GGTA1: variants seen among roughly 807,000 people sequenced by gnomAD.
The protein encoded by GGTA1 is glycoprotein alpha-galactosyltransferase 1 (inactive), also known as inactive N-acetyllactosaminide alpha-1,3-galactosyltransferase.
Under a neutral mutation model 2.6 loss-of-function variants are expected in GGTA1, and 5 were observed. The observed-to-expected ratio is 1.92, with a 90% CI of 1.00 to 4.04. GGTA1 has a LOEUF of 4.04. Ranked by LOEUF, GGTA1 falls within the 30% of genes most tolerant of loss-of-function variation. The pLI is 0.00. For missense variants in GGTA1, 50 were observed against 16.7 expected (o/e 2.99, Z -3.47); for synonymous variants, 17 against 5.0 (o/e 3.38, Z -3.19).
intron 4 of GGTA1, 148 bp from the exon 5 acceptor site, chr9:121,460,367 C>G: frequency 2.7e-6 from 1 of 368,888 alleles, no homozygotes; most frequent in South Asian, 2.1e-5. Context: ...AGGCACTAAG[C>G]GTTTATTCAT....
At chr9:121,477,335 GA>G (rs1215567404) in intron 1 of GGTA1, among the ~76,000 whole-genome samples, 1 of 152,202 alleles carries the variant, frequency 6.6e-6, no homozygotes, top group Non-Finnish European at 1.5e-5. Flanking sequence ...AATGATTCTA[GA>G]AAACTGTTGT....
At chr9:121,451,482 G>C (rs117468111), downstream of GGTA1, among the ~76,000 whole-genome samples, 111 of 152,298 alleles carry the variant, frequency 7.3e-4, 3 homozygotes, top group East Asian at 0.02. Flanking sequence ...ACCGCACCTG[G>C]CCTAGAGCTA....
chr9:121,485,199 G>A (rs1828734208), intron 1 of GGTA1, among the ~76,000 whole-genome samples: 1 of 152,228 alleles, frequency 6.6e-6, no homozygotes, highest in Non-Finnish European at 1.5e-5. Context: ...GGGTCTGCCT[G>A]CCAGGGTGTC....
chr9:121,481,710 A>G (rs1001710454), intron 1 of GGTA1, among the ~76,000 whole-genome samples: 1 of 148,822 alleles, frequency 6.7e-6, no homozygotes, highest in African/African-American at 2.5e-5. Context: ...AAAAGAATAA[A>G]AAGTGGCCAG....
chr9:121,485,765 G>A (rs565299951), intron 1 of GGTA1, among the ~76,000 whole-genome samples: 25 of 152,242 alleles, frequency 1.6e-4, no homozygotes, highest in African/African-American at 6.0e-4. Context: ...TACACATGAA[G>A]ATACAGAGGC....
At chr9:121,471,112 G>A (rs576775384) in intron 1 of GGTA1, among the ~76,000 whole-genome samples, 4 of 152,334 alleles carry the variant, frequency 2.6e-5, no homozygotes, top group South Asian at 2.1e-4. Context: ...GAAGAAACCC[G>A]GGAGGGAGGA....
intron 1 of GGTA1, among the ~76,000 whole-genome samples, chr9:121,496,757 A>AAAAAAAAAAAGAG (rs1554838784): frequency 1.3e-4 from 15 of 111,982 alleles, no homozygotes; most frequent in South Asian, 5.3e-4. Context: ...AAAAAAAAAA[A>AAAAAAAAAAAGAG]AGAGAGAGAG....
chr9:121,487,907 T>A (rs1007089811), intron 1 of GGTA1, among the ~76,000 whole-genome samples: 1 of 151,884 alleles, frequency 6.6e-6, no homozygotes, highest in Non-Finnish European at 1.5e-5. Context: ...GCAGAGATGG[T>A]GTTTCACCAT....
intron 4 of GGTA1, among the ~76,000 whole-genome samples, chr9:121,460,780 G>A (rs981086724): frequency 2.6e-5 from 4 of 151,928 alleles, no homozygotes; most frequent in African/African-American, 9.7e-5. Context: ...AGGAGGTGGA[G>A]GTTGTAGTGA....
intron 1 of GGTA1, among the ~76,000 whole-genome samples, chr9:121,480,688 T>C (rs1331070554): frequency 6.6e-6 from 1 of 152,180 alleles, no homozygotes; most frequent in Non-Finnish European, 1.5e-5. Flanking sequence ...GGGGATGAGT[T>C]ATTTGGCCAC....
chr9:121,499,191 C>T (rs1341900123), intron 1 of GGTA1, among the ~76,000 whole-genome samples: 1 of 152,062 alleles, frequency 6.6e-6, no homozygotes, highest in Non-Finnish European at 1.5e-5. Flanking sequence ...CTTTATCCCC[C>T]CACTCCCAGA....
At chr9:121,490,763 T>C (rs1564658139) in intron 1 of GGTA1, among the ~76,000 whole-genome samples, 2 of 152,180 alleles carry the variant, frequency 1.3e-5, no homozygotes, top group Non-Finnish European at 2.9e-5. Flanking sequence ...TTTCTAGCCT[T>C]CTGAAAGATG....
intron 1 of GGTA1, among the ~76,000 whole-genome samples, chr9:121,475,645 G>A (rs566997885): frequency 6.6e-6 from 1 of 152,284 alleles, no homozygotes; most frequent in South Asian, 2.1e-4. Context: ...ATGGTTTTTG[G>A]AACTGGAGAT....
chr9:121,464,744 T>C (rs541774595), intron 2 of GGTA1, among the ~76,000 whole-genome samples: 1 of 152,386 alleles, frequency 6.6e-6, no homozygotes, highest in African/African-American at 2.4e-5. Flanking sequence ...TATTTCATCA[T>C]AATTTTGAAG....
chr9:121,478,441 C>T (rs1429296866), intron 1 of GGTA1, among the ~76,000 whole-genome samples: 1 of 152,172 alleles, frequency 6.6e-6, no homozygotes, highest in East Asian at 1.9e-4. Context: ...TGGGCATGCC[C>T]AGAAGTCTTG....
At chr9:121,499,412 A>G (rs1024725036) in intron 1 of GGTA1, among the ~76,000 whole-genome samples, 1 of 152,108 alleles carries the variant, frequency 6.6e-6, no homozygotes, top group African/African-American at 2.4e-5. Flanking sequence ...CAGTCTTGGA[A>G]GGCTGGACAG....
At chr9:121,496,891 G>C (rs757867535) in intron 1 of GGTA1, among the ~76,000 whole-genome samples, 1 of 151,936 alleles carries the variant, frequency 6.6e-6, no homozygotes, top group East Asian at 2.0e-4. Flanking sequence ...AATCAAACAC[G>C]TAAGATTTGT....
At chr9:121,455,010 A>T (rs533415176), downstream of GGTA1, 1 of 152,288 alleles carries the variant, frequency 6.6e-6, no homozygotes, top group African/African-American at 2.4e-5. Context: ...GTGAAACTCC[A>T]TCTCGAAATA....
At chr9:121,447,298 G>A (rs1342639219) in exon 8 of GGTA1, 1 of 152,598 alleles carries the variant, frequency 6.6e-6, no homozygotes, top group East Asian at 1.9e-4. Flanking sequence ...CTGGCCTAGG[G>A]TCTCCACCCC....
Sources: gnomAD v4.1 joint callset for allele counts (sites outside exome capture counted in the v4.1 genomes callset) on GRCh38, gnomAD v4.1.1 for gene constraint, MANE v1.5 for transcripts, NCBI Gene and HGNC (gene_info 2026-07-23, HGNC 2026-07-21) for gene names.